EHBP1: variants seen among roughly 807,000 people sequenced by gnomAD.
The protein encoded by EHBP1 is EH domain binding protein 1.
EHBP1 carries 55 observed loss-of-function variants against 144.0 expected under a neutral mutation model. The observed-to-expected ratio is 0.38, with a 90% CI of 0.31 to 0.48. The LOEUF (loss-of-function observed/expected upper bound fraction) is 0.48. Among genes scored for constraint, EHBP1 ranks in the 20% least tolerant of loss-of-function variants. EHBP1 has a pLI of 0.98. For missense variants in EHBP1, 1,200 were observed against 1,364.2 expected (o/e 0.88, Z 1.90); for synonymous variants, 469 against 472.7 (o/e 0.99, Z 0.10).
At chr2:63,043,658 T>C (rs1330105104) in intron 21 of EHBP1, among the ~76,000 whole-genome samples, 1 of 152,122 alleles carries the variant, frequency 6.6e-6, no homozygotes. Flanking sequence ...AGCAGTTTGC[T>C]GTCTTGAATA....
chr2:62,729,578 AATATAATAATAATAT>A (rs919259133), intron 2 of EHBP1, among the ~76,000 whole-genome samples: 2 of 128,188 alleles, frequency 1.6e-5, no homozygotes, highest in Non-Finnish European at 3.1e-5. Flanking sequence ...ATAATAAATA[AATATAATAATAATAT>A]ATATAATAAT....
At chr2:62,852,985 C>G (rs1316223275) in intron 7 of EHBP1, among the ~76,000 whole-genome samples, 1 of 152,086 alleles carries the variant, frequency 6.6e-6, no homozygotes, top group Non-Finnish European at 1.5e-5. Flanking sequence ...ATTGCGTTTA[C>G]TTTCTGTTTT....
chr2:62,882,003 T>G (rs542208561), intron 10 of EHBP1, among the ~76,000 whole-genome samples: 2 of 152,358 alleles, frequency 1.3e-5, no homozygotes, highest in South Asian at 4.1e-4. Context: ...TCATTAATTG[T>G]ATGATTTTGG....
chr2:63,038,176 G>C (rs2061521551), intron 20 of EHBP1, among the ~76,000 whole-genome samples: 1 of 152,086 alleles, frequency 6.6e-6, no homozygotes, highest in African/African-American at 2.4e-5. Context: ...GAGGACTTAA[G>C]CACGTTCCTT....
intron 19 of EHBP1, among the ~76,000 whole-genome samples, chr2:63,031,312 C>T (rs546440216): frequency 6.6e-6 from 1 of 152,266 alleles, no homozygotes; most frequent in South Asian, 2.1e-4. Context: ...AGGCATCCAT[C>T]TGTAAGGGAA....
intron 10 of EHBP1, among the ~76,000 whole-genome samples, chr2:62,909,047 T>G (rs2054004371): frequency 6.6e-6 from 1 of 152,160 alleles, no homozygotes; most frequent in African/African-American, 2.4e-5. Flanking sequence ...TCAGAGGAAA[T>G]CATGTGTGAA....
rs150935219 is a variant in EHBP1, at chr2:62,934,060, G to A, written c.1186-8658G>A. Among the ~76,000 whole-genome samples the A allele has an allele frequency of 3.6e-3, 547 of 152,144 alleles. 7 individuals are homozygous for A. Among genetic ancestry groups the A allele is most frequent in the African/African-American group, 0.012 (499 of 41,498 alleles). Reference sequence around the variant, plus strand: ...TTTTTGCATATGTATTCTATTCTGTGCTATATAAGCATGCATTTCTATAGG... The same window carrying A: ...TTTTTGCATATGTATTCTATTCTGTACTATATAAGCATGCATTTCTATAGG... On this transcript the variant is annotated intron_variant, in intron 10 of 22. Coordinates refer to ENST00000431489, the MANE Select transcript of EHBP1 (RefSeq NM_001142616.3).
At chr2:62,918,779 T>C (rs968973627) in intron 10 of EHBP1, among the ~76,000 whole-genome samples, 4 of 152,222 alleles carry the variant, frequency 2.6e-5, no homozygotes, top group South Asian at 2.1e-4. Flanking sequence ...CTCAAACTTA[T>C]TGGTCTCAAG....
intron 11 of EHBP1, among the ~76,000 whole-genome samples, chr2:62,943,334 C>A (rs1394345807): frequency 7.1e-6 from 1 of 140,474 alleles, no homozygotes; most frequent in Non-Finnish European, 1.5e-5. Flanking sequence ...CAAGATCGTG[C>A]CATTGCACTC....
At chr2:62,962,620 T>C (rs767795709) in intron 14 of EHBP1, among the ~76,000 whole-genome samples, 17 of 152,240 alleles carry the variant, frequency 1.1e-4, no homozygotes, top group Admixed American at 6.5e-5. Context: ...AGAATGATGC[T>C]ATATATGTTT....
chr2:62,712,548 T>C (rs555549292), intron 2 of EHBP1, among the ~76,000 whole-genome samples: 4 of 152,258 alleles, frequency 2.6e-5, no homozygotes, highest in Admixed American at 2.0e-4. Context: ...ATAGATAGAG[T>C]TGGATTTGAC....
chr2:62,705,400 C>G (rs927827934), upstream of EHBP1, among the ~76,000 whole-genome samples: 2 of 152,096 alleles, frequency 1.3e-5, no homozygotes, highest in African/African-American at 2.4e-5. Context: ...CCTTGCAGTT[C>G]ACTATAAACA....
chr2:62,805,468 C>CTT (rs199557281), intron 5 of EHBP1, among the ~76,000 whole-genome samples: 43 of 123,784 alleles, frequency 3.5e-4, no homozygotes, highest in African/African-American at 8.7e-4. Context: ...TTTGTATTTT[C>CTT]TTTTTTTTTT....
chr2:62,873,055 T>C (rs1156302796), intron 9 of EHBP1, among the ~76,000 whole-genome samples: 2 of 152,196 alleles, frequency 1.3e-5, no homozygotes, highest in African/African-American at 2.4e-5. Flanking sequence ...CCTAAAGTAC[T>C]TGGCAAATGC....
At chr2:63,015,252 C>G (rs1490526757) in intron 19 of EHBP1, among the ~76,000 whole-genome samples, 1 of 151,998 alleles carries the variant, frequency 6.6e-6, no homozygotes, top group African/African-American at 2.4e-5. Context: ...ATTTATACAC[C>G]CTTCTAGCAA....
chr2:63,044,907 C>A, intron 21 of EHBP1, 159 bp from the exon 22 acceptor site: 1 of 594,644 alleles, frequency 1.7e-6, no homozygotes. Context: ...AGGAAGCCTT[C>A]ACCACAACAG....
chr2:62,949,219 G>GA, intron 13 of EHBP1, 57 bp downstream of exon 13: 1 of 1,414,848 alleles, frequency 7.1e-7, no homozygotes, highest in Non-Finnish European at 9.5e-7. Flanking sequence ...CTCTGTTTTT[G>GA]TTTCTTTTTG....
intron 8 of EHBP1, among the ~76,000 whole-genome samples, chr2:62,862,893 G>A (rs1377024023): frequency 3.3e-5 from 5 of 151,488 alleles, no homozygotes; most frequent in Non-Finnish European, 7.4e-5. Flanking sequence ...TTCTTGTTTT[G>A]TTTTAAAATA....
chr2:62,919,727 T>C (rs1276921486), intron 10 of EHBP1, among the ~76,000 whole-genome samples: 1 of 152,090 alleles, frequency 6.6e-6, no homozygotes, highest in African/African-American at 2.4e-5. Context: ...GACTCTAAAG[T>C]AGTGTTCTAA....
Sources: gnomAD v4.1 joint callset for allele counts (sites outside exome capture counted in the v4.1 genomes callset) on GRCh38, gnomAD v4.1.1 for gene constraint, MANE v1.5 for transcripts, NCBI Gene and HGNC (gene_info 2026-07-23, HGNC 2026-07-21) for gene names.